GLIS3: variants seen among roughly 807,000 people sequenced by gnomAD.
GLIS3 encodes the protein zinc finger protein GLIS3.
A neutral mutation model predicts 78.6 loss-of-function variants in GLIS3; 53 were observed. The ratio of observed to expected loss-of-function variants is 0.67; its 90% CI spans 0.54 to 0.85. The LOEUF is 0.85. Among genes scored for constraint, GLIS3 ranks in the 40% least tolerant of loss-of-function variants. GLIS3 has a pLI of 0.00. For synonymous variants in GLIS3, 684 were observed against 509.9 expected (o/e 1.34, Z -4.60); for missense variants, 1,703 against 1,231.1 (o/e 1.38, Z -5.74).
chr9:4,130,573 T>C lies in GLIS3; in HGVS notation c.389-4632A>G, dbSNP rs541729955. 4.5e-4 allele frequency among the ~76,000 whole-genome samples: 69 copies of C among 152,316 alleles called. 1 individual carries two copies. Among genetic ancestry groups the C allele is most frequent in the African/African-American group, 1.6e-3 (66 of 41,580 alleles). On this transcript the variant is annotated intron_variant, in intron 2 of 10. Coordinates refer to ENST00000381971, the MANE Select transcript of GLIS3 (RefSeq NM_001042413.2). ...CCTCTGCTTCAGAGGGTGCAAACCA[T>C]AGACGACTTGGTGGCTTCCACATGG...
chr9:4,384,539 C>G, the GLIS3 span, among the ~76,000 whole-genome samples: 1 of 149,374 alleles, frequency 6.7e-6, no homozygotes, highest in Non-Finnish European at 1.5e-5. Flanking sequence ...TTACTTCTTT[C>G]CTTTATATAA....
intron 2 of GLIS3, among the ~76,000 whole-genome samples, chr9:4,234,556 G>T (rs1436038643): frequency 6.6e-6 from 1 of 152,084 alleles, no homozygotes; most frequent in Non-Finnish European, 1.5e-5. Flanking sequence ...CACTGTTCAT[G>T]GATCTTCGTA....
chr9:4,227,822 A>C (rs1207594921), intron 2 of GLIS3, among the ~76,000 whole-genome samples: 1 of 152,218 alleles, frequency 6.6e-6, no homozygotes, highest in African/African-American at 2.4e-5. Flanking sequence ...CAATTAAAAA[A>C]CAATGCTGCT....
chr9:4,049,188 G>A (rs1266425730), intron 4 of GLIS3, among the ~76,000 whole-genome samples: 1 of 152,142 alleles, frequency 6.6e-6, no homozygotes, highest in African/African-American at 2.4e-5. Context: ...CAGAAGTCTA[G>A]GATACAGAGA....
chr9:4,067,389 T>A (rs1003062763), intron 4 of GLIS3, among the ~76,000 whole-genome samples: 1 of 152,118 alleles, frequency 6.6e-6, no homozygotes, highest in Non-Finnish European at 1.5e-5. Flanking sequence ...GGAACCTGAC[T>A]GATACACTGT....
chr9:4,477,779 A>G, the GLIS3 span, among the ~76,000 whole-genome samples: 1 of 152,200 alleles, frequency 6.6e-6, no homozygotes, highest in Admixed American at 6.5e-5. Context: ...GGAGATGGAT[A>G]GTGGTGACGG....
intron 4 of GLIS3, among the ~76,000 whole-genome samples, chr9:4,030,120 CT>C (rs1823701119): frequency 6.6e-6 from 1 of 152,078 alleles, no homozygotes; most frequent in East Asian, 1.9e-4. Flanking sequence ...TATTGCCTGT[CT>C]TTTGGATATA....
At chr9:4,070,534 T>TTG (rs995021946) in intron 4 of GLIS3, among the ~76,000 whole-genome samples, 6 of 151,518 alleles carry the variant, frequency 4.0e-5, no homozygotes, top group Non-Finnish European at 7.4e-5. Flanking sequence ...GCGTAAGTAT[T>TTG]TGTGTGTGTG....
intron 4 of GLIS3, among the ~76,000 whole-genome samples, chr9:3,956,905 C>T (rs747438327): frequency 1.3e-5 from 2 of 152,188 alleles, no homozygotes; most frequent in Non-Finnish European, 2.9e-5. Context: ...ACATCAATAA[C>T]AAGAACAATC....
chr9:4,315,524 A>G (rs115421626), intron 2 of GLIS3, among the ~76,000 whole-genome samples: 111 of 152,344 alleles, frequency 7.3e-4, no homozygotes, highest in African/African-American at 2.5e-3. Context: ...AAACCCTTCT[A>G]AAACAGAGTT....
chr9:4,418,302 A>G, the GLIS3 span, among the ~76,000 whole-genome samples: 5 of 152,202 alleles, frequency 3.3e-5, no homozygotes, highest in African/African-American at 1.2e-4. Flanking sequence ...TATTGAGGTC[A>G]TTGGCCTCAG....
intron 4 of GLIS3, among the ~76,000 whole-genome samples, chr9:4,073,633 C>T (rs1277327877): frequency 6.6e-6 from 1 of 152,118 alleles, no homozygotes; most frequent in East Asian, 1.9e-4. Context: ...GCTGTCCTAT[C>T]ATATTTCTCT....
At chr9:4,278,562 T>C (rs914418784) in intron 2 of GLIS3, among the ~76,000 whole-genome samples, 2 of 152,188 alleles carry the variant, frequency 1.3e-5, no homozygotes, top group Non-Finnish European at 2.9e-5. Flanking sequence ...TGAGTGATTC[T>C]GTAGTGATTC....
At chr9:3,979,536 T>G (rs1463276133) in intron 4 of GLIS3, among the ~76,000 whole-genome samples, 1 of 152,212 alleles carries the variant, frequency 6.6e-6, no homozygotes, top group African/African-American at 2.4e-5. Flanking sequence ...TGACTTCTCC[T>G]CTATGTGCTT....
chr9:4,400,890 T>C, the GLIS3 span, among the ~76,000 whole-genome samples: 1 of 152,232 alleles, frequency 6.6e-6, no homozygotes, highest in Admixed American at 6.5e-5. Flanking sequence ...TAAAGAGCCC[T>C]TGGTCCCTGA....
intron 4 of GLIS3, among the ~76,000 whole-genome samples, chr9:4,077,310 A>G (rs754808127): frequency 6.6e-6 from 1 of 152,230 alleles, no homozygotes; most frequent in African/African-American, 2.4e-5. Flanking sequence ...AAGGCTTTCA[A>G]TTGGCACTGA....
intron 2 of GLIS3, among the ~76,000 whole-genome samples, chr9:4,204,316 T>C (rs533825497): frequency 6.6e-5 from 10 of 152,126 alleles, no homozygotes; most frequent in Non-Finnish European, 1.2e-4. Flanking sequence ...TAGAAAATAT[T>C]TGGCTTTGGT....
chr9:4,173,195 A>T (rs1816520615), intron 2 of GLIS3, among the ~76,000 whole-genome samples: 1 of 152,164 alleles, frequency 6.6e-6, no homozygotes, highest in African/African-American at 2.4e-5. Flanking sequence ...TCACCAAAGA[A>T]ATTAGCCAAA....
At chr9:3,847,850 A>G (rs555969438) in intron 9 of GLIS3, among the ~76,000 whole-genome samples, 1 of 152,348 alleles carries the variant, frequency 6.6e-6, no homozygotes, top group East Asian at 1.9e-4. Context: ...GTAATTAAGG[A>G]CTTCTCCAAA....
Sources: gnomAD v4.1 joint callset for allele counts (sites outside exome capture counted in the v4.1 genomes callset) on GRCh38, gnomAD v4.1.1 for gene constraint, MANE v1.5 for transcripts, NCBI Gene and HGNC (gene_info 2026-07-23, HGNC 2026-07-21) for gene names.